GRID1: variants seen among roughly 807,000 people sequenced by gnomAD.
GRID1 encodes glutamate ionotropic receptor delta type subunit 1.
A neutral mutation model predicts 98.0 loss-of-function variants in GRID1; 28 were observed. The ratio of observed to expected loss-of-function variants is 0.29; its 90% CI spans 0.21 to 0.39. The LOEUF (loss-of-function observed/expected upper bound fraction) is 0.39. Ranked by LOEUF, GRID1 falls within the 10% of genes least tolerant of loss-of-function variation. The probability of loss-of-function intolerance (pLI) is 1.00; values close to 1 mark genes in which losing one functional copy is unlikely to be tolerated. For synonymous variants in GRID1, 553 were observed against 538.5 expected, an observed-to-expected ratio of 1.03 and a Z score of -0.37; for missense variants, 1,111 against 1,340.5, an observed-to-expected ratio of 0.83 and a Z score of 2.67.
chr10:85,948,869 T>C (rs962153476), intron 4 of GRID1, among the ~76,000 whole-genome samples: 16 of 152,220 alleles, frequency 1.1e-4, no homozygotes, highest in African/African-American at 3.9e-4. Context: ...CTTCCAAAAA[T>C]CTTGACCATT....
intron 8 of GRID1, among the ~76,000 whole-genome samples, chr10:85,830,276 AC>A (rs1403287817): frequency 6.6e-6 from 1 of 152,182 alleles, no homozygotes; most frequent in African/African-American, 2.4e-5. Context: ...CTGAAACTGG[AC>A]CCCTTCCTTA....
intron 2 of GRID1, among the ~76,000 whole-genome samples, chr10:86,358,459 T>A (rs1848561453): frequency 6.6e-6 from 1 of 152,062 alleles, no homozygotes; most frequent in Non-Finnish European, 1.5e-5. Flanking sequence ...GCAAACCAGC[T>A]ATCCTTAAAA....
chr10:85,936,957 G>A (rs777987769), intron 4 of GRID1, among the ~76,000 whole-genome samples: 7 of 152,110 alleles, frequency 4.6e-5, no homozygotes, highest in Non-Finnish European at 1.0e-4. Context: ...TCCTAGATGT[G>A]GCCATTACCC....
At chr10:85,901,022 C>T (rs1841376221) in intron 5 of GRID1, among the ~76,000 whole-genome samples, 1 of 152,074 alleles carries the variant, frequency 6.6e-6, no homozygotes, top group African/African-American at 2.4e-5. Flanking sequence ...CATGAGACTT[C>T]AGGAAGAACT....
chr10:85,771,662 G>C (rs1276524825), intron 8 of GRID1, among the ~76,000 whole-genome samples: 1 of 152,076 alleles, frequency 6.6e-6, no homozygotes, highest in Non-Finnish European at 1.5e-5. Context: ...AAAAAGGCAG[G>C]GGTTGCAATC....
intron 4 of GRID1, among the ~76,000 whole-genome samples, chr10:86,042,481 C>G (rs1480342916): frequency 6.6e-6 from 1 of 152,134 alleles, no homozygotes; most frequent in African/African-American, 2.4e-5. Flanking sequence ...AGTCCCAGGA[C>G]CAAGGGGAGA....
chr10:86,322,766 T>C (rs945871430), intron 2 of GRID1, among the ~76,000 whole-genome samples: 7 of 150,170 alleles, frequency 4.7e-5, no homozygotes, highest in African/African-American at 1.5e-4. Context: ...ATAATAAAAA[T>C]AAATATTGGG....
intron 12 of GRID1, among the ~76,000 whole-genome samples, chr10:85,683,898 C>A (rs1841238611): frequency 6.6e-6 from 1 of 152,124 alleles, no homozygotes. Flanking sequence ...CATCTATTTT[C>A]TCTCGCTGGG....
intron 8 of GRID1, among the ~76,000 whole-genome samples, chr10:85,813,523 C>T (rs1478999476): frequency 2.0e-5 from 3 of 147,858 alleles, no homozygotes; most frequent in Non-Finnish European, 1.5e-5. Context: ...CCTTCAAGAA[C>T]AAATGAAACT....
At chr10:85,681,596 T>G (rs370378402) in intron 12 of GRID1, among the ~76,000 whole-genome samples, 1 of 152,124 alleles carries the variant, frequency 6.6e-6, no homozygotes, top group South Asian at 2.1e-4. Context: ...TAACCTGGAA[T>G]GCTCCATGCA....
intron 3 of GRID1, among the ~76,000 whole-genome samples, chr10:86,157,748 C>T (rs1354516993): frequency 6.6e-6 from 1 of 152,188 alleles, no homozygotes; most frequent in African/African-American, 2.4e-5. Flanking sequence ...CTAGGGACAA[C>T]CTGGAATCCT....
intron 3 of GRID1, among the ~76,000 whole-genome samples, chr10:86,190,914 ATGAG>A (rs1296668504): frequency 1.3e-5 from 2 of 152,090 alleles, no homozygotes; most frequent in African/African-American, 2.4e-5. Context: ...GCATGCATGC[ATGAG>A]TGTGTACCTG....
At chr10:86,124,954 A>G (rs1332764241) in intron 4 of GRID1, among the ~76,000 whole-genome samples, 1 of 152,194 alleles carries the variant, frequency 6.6e-6, no homozygotes, top group East Asian at 1.9e-4. Context: ...TGACTTGCTG[A>G]GCATCTACTC....
intron 2 of GRID1, among the ~76,000 whole-genome samples, chr10:86,346,677 C>G (rs1339848285): frequency 6.6e-6 from 1 of 152,228 alleles, no homozygotes. Flanking sequence ...AGCAGCCCAG[C>G]TTCCCGAAGT....
At chr10:85,669,618 G>T (rs1433759546) in intron 12 of GRID1, among the ~76,000 whole-genome samples, 1 of 152,026 alleles carries the variant, frequency 6.6e-6, no homozygotes, top group Non-Finnish European at 1.5e-5. Context: ...TCCCAGCCCC[G>T]CTTCTCATGA....
intron 2 of GRID1, among the ~76,000 whole-genome samples, chr10:86,350,616 T>C (rs562213584): frequency 1.3e-5 from 2 of 152,324 alleles, no homozygotes; most frequent in Admixed American, 1.3e-4. Flanking sequence ...CAGACAGCTC[T>C]GGGCAGTTTG....
chr10:85,854,651 G>T (rs1431150889), intron 7 of GRID1, 36 bp from the exon 8 acceptor site: 1 of 1,613,072 alleles, frequency 6.2e-7, no homozygotes, highest in South Asian at 1.1e-5. Flanking sequence ...GGAAAATCTG[G>T]TTAAGGTAGA....
chr10:86,315,688 T>C (rs1029087125), intron 2 of GRID1, among the ~76,000 whole-genome samples: 4 of 151,748 alleles, frequency 2.6e-5, no homozygotes, highest in African/African-American at 9.7e-5. Flanking sequence ...CACCCATCCA[T>C]TCATATGCCC....
At chr10:86,101,903 C>G (rs11818062) in intron 4 of GRID1, among the ~76,000 whole-genome samples, 1 of 152,054 alleles carries the variant, frequency 6.6e-6, no homozygotes, top group Admixed American at 6.5e-5. Flanking sequence ...GAATAATATT[C>G]CATTGTATGG....
Sources: gnomAD v4.1 joint callset for allele counts (sites outside exome capture counted in the v4.1 genomes callset) on GRCh38, gnomAD v4.1.1 for gene constraint, MANE v1.5 for transcripts, NCBI Gene and HGNC (gene_info 2026-07-23, HGNC 2026-07-21) for gene names.